TRMT6: variants seen among roughly 807,000 people sequenced by gnomAD.
TRMT6 encodes the protein tRNA methyltransferase 6 non-catalytic subunit, also known as tRNA (adenine(58)-N(1))-methyltransferase non-catalytic subunit TRM6.
Under a neutral mutation model 59.0 loss-of-function variants are expected in TRMT6, and 34 were observed. The observed-to-expected ratio is 0.58, with a 90% confidence interval of 0.44 to 0.77. The LOEUF (loss-of-function observed/expected upper bound fraction) is 0.77. Among genes scored for constraint, TRMT6 ranks in the 30% least tolerant of loss-of-function variants. The pLI is 0.00. For synonymous variants in TRMT6, 217 were observed against 210.5 expected, an observed-to-expected ratio of 1.03 and a Z score of -0.27; for missense variants, 575 against 604.5, an observed-to-expected ratio of 0.95 and a Z score of 0.51.
At chr20:5,943,848 C>G in intron 5 of TRMT6, 100 bp downstream of exon 5, 1 of 1,527,328 alleles carries the variant, frequency 6.5e-7, no homozygotes, top group East Asian at 2.3e-5. Context: ...TAGGAGGATA[C>G]TTTATGCAGG....
At chr20:5,939,835 A>C (rs73596144) in intron 10 of TRMT6, among the ~76,000 whole-genome samples, 2,917 of 152,228 alleles carry the variant, frequency 0.019, 131 homozygotes, top group East Asian at 0.11. Flanking sequence ...TAGCATCCCC[A>C]CTACAGTATG....
At chr20:5,942,283 A>G in intron 7 of TRMT6, 145 bp downstream of exon 7, 1 of 814,642 alleles carries the variant, frequency 1.2e-6, no homozygotes, top group Non-Finnish European at 2.0e-6. Flanking sequence ...ACACGTTTGT[A>G]TACATGTACA....
At chr20:5,943,431 A>T in intron 6 of TRMT6, 128 bp downstream of exon 6, 1 of 1,229,328 alleles carries the variant, frequency 8.1e-7, no homozygotes, top group Non-Finnish European at 1.2e-6. Flanking sequence ...GGAGCCGTGC[A>T]GGTTCACCCA....
chr20:5,946,495 T>C lies in TRMT6; in HGVS notation c.167A>G (p.Asn56Ser), dbSNP rs1423996739. ...TFEKQWFYLD[N>S]VIGHSYGTAF... is the part of the protein sequence containing the mutation. ...AGTTCCATAACTATGGCCAATGACG[T>C]TATCCAGGTAGAACCACTGTTTTTC... The change falls in exon 2 of 11, where the codon AAC becomes AGC. Residue 56 changes from asparagine to serine, a missense_variant. Physicochemically the swap from Asn to Ser is conservative, Grantham distance 46. Transcript: ENST00000203001. 2 of 1,614,180 alleles carry C rather than the reference T, an allele frequency of 1.2e-6. No individual in the cohort carries two copies. The highest frequency in any genetic ancestry group is 1.7e-5 in the Admixed American group (1 of 60,032).
rs185957917 is a variant in TRMT6, at chr20:5,947,753, G to A, written c.129-1220C>T. On this transcript the variant is annotated intron_variant, in intron 1 of 10. Transcript: ENST00000203001. ...CTATCCTCATCCTTTAATCACCTAG[G>A]TGCTTTGAAACACTGGATCTGGCCA... 4.6e-3 allele frequency among the ~76,000 whole-genome samples: 630 copies of A among 138,006 alleles called. 3 individuals are homozygous for A. The highest frequency in any genetic ancestry group is 0.02 in the African/African-American group (596 of 30,216). 90.5% of individuals were successfully genotyped at this position (138,006 alleles called of 152,430 possible).
rs2088784466 is a variant in TRMT6, at chr20:5,950,516, A to G, written c.-111T>C. The G allele has an allele frequency of 8.0e-7, 1 of 1,251,422 alleles. No homozygotes were observed. Among genetic ancestry groups the G allele is most frequent in the Non-Finnish European group, 1.1e-6 (1 of 943,454 alleles). The allele number at this position is 1,251,422 out of a possible 1,614,324, so 77.5% of individuals were successfully genotyped here. A position where few individuals can be genotyped will look rare whatever the true frequency, so the allele number is the denominator to read the frequency against. ...GCGCACTAGGAGCCCTCCGACCGGC[A>G]CCGCCCCCACGTGTTGCACGCCGCT... On this transcript the variant is annotated 5_prime_UTR_variant, in exon 1 of 11. Coordinates refer to ENST00000203001, the MANE Select transcript of TRMT6 (RefSeq NM_015939.5).
intron 8 of TRMT6, 76 bp from the exon 9 acceptor site, chr20:5,941,421 T>C: frequency 9.7e-7 from 1 of 1,027,224 alleles, no homozygotes; most frequent in Non-Finnish European, 1.5e-6. Flanking sequence ...GCATTTAAAA[T>C]GATCATGTAT....
At chr20:5,946,655 A>C (rs1345490420) in intron 1 of TRMT6, 122 bp from the exon 2 acceptor site, 17 of 856,454 alleles carry the variant, frequency 2.0e-5, no homozygotes, top group Non-Finnish European at 2.5e-5. Flanking sequence ...ATTATCTCTG[A>C]ACATAAAGCA....
rs2088625669 is a variant in TRMT6, at chr20:5,938,411, G to A, written c.*124C>T. On this transcript the variant is annotated 3_prime_UTR_variant, in exon 11 of 11. Transcript: ENST00000203001. ...AAAAGGCATATACTCCTCCTTCCTAGAAACGGGTACATAGACATGTTCTTA... is the reference window on the plus strand; with the variant it reads ...AAAAGGCATATACTCCTCCTTCCTAAAAACGGGTACATAGACATGTTCTTA... 5 of 1,059,538 alleles carry A rather than the reference G, an allele frequency of 4.7e-6. No individual in the cohort carries two copies. In the South Asian group the frequency reaches 8.2e-5, roughly 17 times the overall value. 65.6% of individuals were successfully genotyped at this position (1,059,538 alleles called of 1,614,324 possible). A position where few individuals can be genotyped will look rare whatever the true frequency, so the allele number is the denominator to read the frequency against.
Position 5,941,252 on chromosome 20 carries a change from C to T in TRMT6, c.1206G>A (p.Gln402=), listed in dbSNP as rs1316856437. 6.2e-7 allele frequency: 1 copy of T among 1,613,822 alleles called. No homozygotes were observed. The highest frequency in any genetic ancestry group is 1.1e-5 in the South Asian group (1 of 91,068). ...TCCATTCCAGTATTACCTCTTTGTA[C>T]TGACAGTAGACCACAAACGGCCTTG... ...APSRPFVVYC[Q]YKEPLLECYT... is the part of the protein sequence containing the mutation. The change falls in exon 9 of 11, where the codon CAG becomes CAA. Residue 402 remains glutamine (Q), a synonymous_variant. Transcript: ENST00000203001.
At chr20:5,942,878 GTCTT>G (rs1805231020) in intron 6 of TRMT6, 92 bp from the exon 7 acceptor site, 6 of 960,518 alleles carry the variant, frequency 6.2e-6, no homozygotes, top group Middle Eastern at 2.3e-4. Flanking sequence ...GAGACTGAAG[GTCTT>G]TCTATTAGTA....
In TRMT6 at chr20:5,943,548, T is replaced by G. The variant is rs1413072611; in HGVS notation, c.667+11A>C. Reference sequence around the variant, plus strand: ...TGGGGTTTTGTTGAAAATGGAAATATTAAATCTTACCTCCCATTCGTTCCA... The same window carrying G: ...TGGGGTTTTGTTGAAAATGGAAATAGTAAATCTTACCTCCCATTCGTTCCA... On this transcript the variant is annotated intron_variant, in intron 6 of 10. Transcript: ENST00000203001. 6.2e-7 allele frequency: 1 copy of G among 1,613,542 alleles called. No homozygotes were observed. Among genetic ancestry groups the G allele is most frequent in the Non-Finnish European group, 8.5e-7 (1 of 1,179,886 alleles).
At chr20:5,948,877 T>C (rs993041313) in intron 1 of TRMT6, among the ~76,000 whole-genome samples, 3 of 152,216 alleles carry the variant, frequency 2.0e-5, no homozygotes, top group African/African-American at 7.2e-5. Flanking sequence ...TTGACTATTT[T>C]ATGATGCTTG....
intron 2 of TRMT6, among the ~76,000 whole-genome samples, chr20:5,945,583 G>A (rs375310867): frequency 1.3e-5 from 2 of 152,114 alleles, no homozygotes; most frequent in African/African-American, 2.4e-5. Context: ...CATTTTATAC[G>A]ACAGTCTATC....
At chr20:5,941,596 T>A (rs947199835) in intron 8 of TRMT6, 5 of 551,436 alleles carry the variant, frequency 9.1e-6, no homozygotes, top group African/African-American at 5.6e-5. Flanking sequence ...TCTTGATTTT[T>A]TAAAAAAAAT....
At position 5,948,060 on chromosome 20, in the gene TRMT6, C is replaced by G. The variant is rs564205270; in HGVS notation, c.129-1527G>C. Among the ~76,000 whole-genome samples, 38 of 152,200 alleles carry G rather than the reference C, an allele frequency of 2.5e-4. No individual in the cohort carries two copies. The South Asian group carries it at 5.2e-3, about 21-fold the overall frequency. On this transcript the variant is annotated intron_variant, in intron 1 of 10. Coordinates refer to ENST00000203001, the MANE Select transcript of TRMT6 (RefSeq NM_015939.5). ...GCTTGAGCCCAAGAGGCAGTGGTTG[C>G]AGTGAGCCAAGTTCACGCCACTACA...
At position 5,941,974 on chromosome 20, in the gene TRMT6, C is replaced by T; in HGVS notation, c.1089G>A (p.Leu363=). 6.2e-7 allele frequency: 1 copy of T among 1,613,490 alleles called. No homozygotes were observed. Among genetic ancestry groups the T allele is most frequent in the Non-Finnish European group, 8.5e-7 (1 of 1,180,022 alleles). The part of the protein sequence containing the change: ...QRKRHLEAAA[L]LSERNADGLI... ...ACCCATCTGCGTTTCTTTCACTCAG[C>T]AGAGCGGCAGCCTCTAAATGTCTTT... Residue 363 remains leucine (L), a synonymous_variant, in exon 8 of 11, where the codon CTG becomes CTA. Transcript: ENST00000203001.
chr20:5,944,054 G>A (rs771695082), intron 4 of TRMT6, 23 bp from the exon 5 acceptor site: 8 of 1,524,658 alleles, frequency 5.2e-6, no homozygotes, highest in Admixed American at 2.0e-5. Context: ...AAAACAGAAC[G>A]CTGATTTAAA....
rs1424725957 is a variant in TRMT6 at position 5,938,832 on chromosome 20, G to C, written c.1303-106C>G. ...TTTAAACAACACAGGTTCTCTTGAT[G>C]ATTTAAATGGACATTTTTTTTTCTT... On this transcript the variant is annotated intron_variant, in intron 10 of 10. Coordinates refer to ENST00000203001, the MANE Select transcript of TRMT6 (RefSeq NM_015939.5). 3 of 951,026 alleles carry C rather than the reference G, an allele frequency of 3.2e-6. No individual in the cohort carries two copies. The Admixed American group carries it at 9.2e-5, about 29-fold the overall frequency. 58.9% of individuals were successfully genotyped at this position (951,026 alleles called of 1,614,324 possible).
Sources: allele counts gnomAD v4.1 joint callset (sites outside exome capture counted in the v4.1 genomes callset), GRCh38; gene constraint gnomAD v4.1.1; transcripts MANE v1.5; gene names NCBI Gene and HGNC (gene_info 2026-07-23, HGNC 2026-07-21).